Variants in TTC23L observed in about 807,000 individuals in gnomAD.
TTC23L encodes the protein tetratricopeptide repeat domain 23 like.
Under a neutral mutation model 48.1 loss-of-function variants are expected in TTC23L, and 42 were observed. The ratio of observed to expected loss-of-function variants is 0.87; its 90% CI spans 0.68 to 1.13. The LOEUF is 1.13. Among genes scored for constraint, TTC23L ranks in the 50% most tolerant of loss-of-function variants. The pLI, the probability that TTC23L is intolerant of heterozygous loss-of-function variation, is 0.00. For missense variants in TTC23L, 391 were observed against 421.0 expected, an observed-to-expected ratio of 0.93 and a Z score of 0.62; for synonymous variants, 159 against 157.2, an observed-to-expected ratio of 1.01 and a Z score of -0.09.
chr5:34,868,924 C>G (rs766768351), exon 8 of TTC23L: 5 of 1,609,234 alleles, frequency 3.1e-6, no homozygotes, highest in African/African-American at 1.3e-5. Flanking sequence ...GTCTGTGTTT[C>G]TTTGTTCACT....
At chr5:34,876,513 T>C (rs1339773149) in intron 8 of TTC23L, among the ~76,000 whole-genome samples, 7 of 152,074 alleles carry the variant, frequency 4.6e-5, no homozygotes, top group Non-Finnish European at 8.8e-5. Flanking sequence ...CTAGATGAAA[T>C]AGGTCAATCT....
intron 9 of TTC23L, chr5:34,883,543 G>T: frequency 6.3e-6 from 1 of 158,884 alleles, no homozygotes; most frequent in East Asian, 1.7e-4. Flanking sequence ...TCACTCAAAG[G>T]AAAAGAGAGA....
At chr5:34,845,395 T>G in intron 2 of TTC23L, 92 bp from the exon 3 acceptor site, 1 of 1,292,584 alleles carries the variant, frequency 7.7e-7, no homozygotes, top group Non-Finnish European at 1.1e-6. Context: ...CATGTCCCTA[T>G]CCCCTAGTTG....
At chr5:34,866,970 G>A in exon 7 of TTC23L, 1 of 1,611,006 alleles carries the variant, frequency 6.2e-7, no homozygotes, top group Non-Finnish European at 8.5e-7. Context: ...TTGCTGCCAA[G>A]GGTGATAGGA....
chr5:34,878,107 C>A (rs1761984779), intron 8 of TTC23L, among the ~76,000 whole-genome samples: 1 of 151,920 alleles, frequency 6.6e-6, no homozygotes, highest in African/African-American at 2.4e-5. Context: ...AAAACAATAC[C>A]ATTTACATTA....
intron 8 of TTC23L, among the ~76,000 whole-genome samples, chr5:34,876,651 A>G (rs1223116281): frequency 6.6e-6 from 1 of 151,950 alleles, no homozygotes; most frequent in African/African-American, 2.4e-5. Context: ...AGTGAATTCT[A>G]CCAAACATAT....
chr5:34,914,097 A>T, the TTC23L span: 1 of 423,118 alleles, frequency 2.4e-6, no homozygotes, highest in Non-Finnish European at 4.9e-6. Context: ...CTTACGTGTT[A>T]AAAAACGCTT....
intron 9 of TTC23L, among the ~76,000 whole-genome samples, chr5:34,889,552 C>G (rs945305334): frequency 1.3e-5 from 2 of 152,104 alleles, no homozygotes; most frequent in African/African-American, 4.8e-5. Flanking sequence ...GAGGTGGGCC[C>G]CACAGGAGAC....
the TTC23L span, chr5:34,918,499 G>T: frequency 7.6e-7 from 1 of 1,323,626 alleles, no homozygotes; most frequent in Non-Finnish European, 1.0e-6. Flanking sequence ...ATATACTTTA[G>T]AAATTTCTAT....
chr5:34,845,976 C>T (rs1240324832), intron 3 of TTC23L, among the ~76,000 whole-genome samples: 2 of 152,056 alleles, frequency 1.3e-5, no homozygotes, highest in Non-Finnish European at 2.9e-5. Flanking sequence ...GCGGGAGGAT[C>T]TCTTGAGGCC....
At chr5:34,852,552 A>T (rs1220072775) in intron 4 of TTC23L, among the ~76,000 whole-genome samples, 1 of 152,176 alleles carries the variant, frequency 6.6e-6, no homozygotes, top group African/African-American at 2.4e-5. Flanking sequence ...TCCTGCCCAG[A>T]TGAGAGTCGA....
At chr5:34,861,720 G>A (rs1044680504) in intron 4 of TTC23L, among the ~76,000 whole-genome samples, 2 of 152,150 alleles carry the variant, frequency 1.3e-5, no homozygotes, top group Non-Finnish European at 2.9e-5. Flanking sequence ...TAGGCTTCAG[G>A]AGCCAAAGGC....
At chr5:34,850,231 G>C in exon 4 of TTC23L, 1 of 1,613,844 alleles carries the variant, frequency 6.2e-7, no homozygotes, top group Non-Finnish European at 8.5e-7. Context: ...ATCCTTTCTC[G>C]GATTATTTTT....
At chr5:34,862,498 A>AT (rs1301910309) in intron 4 of TTC23L, among the ~76,000 whole-genome samples, 2 of 152,144 alleles carry the variant, frequency 1.3e-5, no homozygotes, top group African/African-American at 4.8e-5. Context: ...GAGGATGGAG[A>AT]AGCGTTGTGG....
chr5:34,908,649 C>T, the TTC23L span: 1 of 922,192 alleles, frequency 1.1e-6, no homozygotes, highest in African/African-American at 1.7e-5. Flanking sequence ...TCCTATCTTC[C>T]CCATTGTGCT....
At chr5:34,860,392 G>A (rs547761241) in intron 4 of TTC23L, among the ~76,000 whole-genome samples, 1 of 152,294 alleles carries the variant, frequency 6.6e-6, no homozygotes, top group South Asian at 2.1e-4. Flanking sequence ...TACTAACTAT[G>A]TATTTCTCCA....
At chr5:34,905,338 G>A in the TTC23L span, 1 of 152,194 alleles carries the variant, frequency 6.6e-6, no homozygotes, top group Admixed American at 6.5e-5. Flanking sequence ...AAAGAAGGAA[G>A]TCTCTATGTT....
At position 34,868,768 on chromosome 5, in the gene TTC23L, C is replaced by G. The variant is rs570644583; in HGVS notation, c.841-137C>G. On this transcript the variant is annotated intron_variant, in intron 7 of 10. Transcript: ENST00000505624. ...CAGTGGGAATTATATATTCCTTCTA[C>G]GAATGAAGGTGAAATTACTTGCACA... 3.4e-5 allele frequency: 24 copies of G among 699,518 alleles called. No homozygotes were observed. The East Asian group carries it at 5.4e-4, about 16-fold the overall frequency. The allele number at this position is 699,518 out of a possible 1,614,324, so 43.3% of individuals were successfully genotyped here.
the TTC23L span, chr5:34,925,229 C>G: frequency 1.3e-6 from 2 of 1,511,204 alleles, no homozygotes; most frequent in Non-Finnish European, 8.8e-7. Flanking sequence ...TTTTTAGCAT[C>G]GGCGTGTCAT....
Sources: allele counts gnomAD v4.1 joint callset (sites outside exome capture counted in the v4.1 genomes callset), GRCh38; gene constraint gnomAD v4.1.1; transcripts MANE v1.5; gene names NCBI Gene and HGNC (gene_info 2026-07-23, HGNC 2026-07-21).